The following CNTN5 variants were observed in gnomAD, a reference collection of about 807,000 sequenced individuals.
CNTN5 encodes contactin 5.
CNTN5 carries 77 observed loss-of-function variants against 129.1 expected under a neutral mutation model. That is an observed-to-expected ratio of 0.60 (90% confidence interval 0.50 to 0.72). The LOEUF (loss-of-function observed/expected upper bound fraction) is 0.72, where lower values mean the gene tolerates loss of function less well. Among genes scored for constraint, CNTN5 ranks in the 30% least tolerant of loss-of-function variants. The pLI is 0.00. For missense variants in CNTN5, 1,478 were observed against 1,328.8 expected, an observed-to-expected ratio of 1.11 and a Z score of -1.75; for synonymous variants, 509 against 465.6, an observed-to-expected ratio of 1.09 and a Z score of -1.20.
intron 3 of CNTN5, among the ~76,000 whole-genome samples, chr11:99,792,413 G>GA (rs1339371526): frequency 6.6e-6 from 1 of 151,996 alleles, no homozygotes; most frequent in Non-Finnish European, 1.5e-5. Context: ...TGCATATGTT[G>GA]AACCCACCTT....
rs960201238 is a variant in CNTN5, at chr11:100,337,115, C to G, written c.2731-3348C>G. 13 of 1,410,400 alleles carry G rather than the reference C, an allele frequency of 9.2e-6. No homozygotes were observed. The East Asian group carries it at 3.0e-4, about 32-fold the overall frequency. 87.4% of individuals were successfully genotyped at this position (1,410,400 alleles called of 1,614,324 possible). ...ATCAGACATGCAGAGAAGACTTCAA[C>G]CAACATTGTTTACAAAATAGATGAC... is the stretch of plus-strand genomic sequence containing the variant. On this transcript the variant is annotated intron_variant, in intron 21 of 24. Coordinates refer to ENST00000524871, the MANE Select transcript of CNTN5 (RefSeq NM_014361.4).
rs766186260 is a variant in CNTN5 at position 100,070,456 on chromosome 11, A to G, written c.1195A>G (p.Thr399Ala). 33 of 1,612,254 alleles carry G rather than the reference A, an allele frequency of 2.0e-5. No homozygotes were observed. Among genetic ancestry groups the G allele is most frequent in the Non-Finnish European group, 2.5e-5 (30 of 1,179,060 alleles). Reference protein sequence around the residue: ...YPHWVEKLNDTQLDSGSPLRW... With the variant: ...YPHWVEKLNDAQLDSGSPLRW... ...ACACTGGGTAGAAAAACTGAATGATACTCAGTTAGACAGTGGGAGCCCTCT... is the reference window on the plus strand; with the variant it reads ...ACACTGGGTAGAAAAACTGAATGATGCTCAGTTAGACAGTGGGAGCCCTCT... The change falls in exon 11 of 25, where the codon ACT (threonine) becomes GCT (alanine). Residue 399 changes from threonine (T) to alanine (A), a missense_variant. Thr to Ala is a moderately conservative substitution (Grantham distance 58, BLOSUM62 0). Transcript: ENST00000524871.
chr11:100,023,379 G>A (rs190254954), intron 9 of CNTN5, among the ~76,000 whole-genome samples: 10 of 152,074 alleles, frequency 6.6e-5, no homozygotes, highest in African/African-American at 9.6e-5. Flanking sequence ...TAGGCTGACC[G>A]CAAAAGTGAG....
chr11:99,214,564 A>G (rs976136246), intron 1 of CNTN5, among the ~76,000 whole-genome samples: 3 of 151,738 alleles, frequency 2.0e-5, no homozygotes, highest in Non-Finnish European at 4.4e-5. Flanking sequence ...CCCAGCTTCA[A>G]TTTCATTGTT....
intron 6 of CNTN5, among the ~76,000 whole-genome samples, chr11:99,896,781 C>T (rs982087985): frequency 6.6e-6 from 1 of 152,190 alleles, no homozygotes; most frequent in Non-Finnish European, 1.5e-5. Context: ...ACACAACATG[C>T]CCCATAGCTG....
At chr11:99,225,783 T>C (rs1461381817) in intron 1 of CNTN5, among the ~76,000 whole-genome samples, 1 of 152,204 alleles carries the variant, frequency 6.6e-6, no homozygotes, top group Non-Finnish European at 1.5e-5. Flanking sequence ...AGCATTGATA[T>C]AGACATTTTG....
intron 15 of CNTN5, among the ~76,000 whole-genome samples, chr11:100,223,713 T>A (rs1210475920): frequency 6.6e-6 from 1 of 152,120 alleles, no homozygotes; most frequent in Admixed American, 6.6e-5. Context: ...TCAAGCAGCA[T>A]GCATCTTATC....
chr11:99,228,583 G>T (rs1213753091), intron 1 of CNTN5, among the ~76,000 whole-genome samples: 4 of 151,990 alleles, frequency 2.6e-5, no homozygotes, highest in Non-Finnish European at 5.9e-5. Context: ...GTAACAAAAT[G>T]TTACATGTAC....
At chr11:99,734,706 A>AT (rs57330066) in intron 3 of CNTN5, among the ~76,000 whole-genome samples, 22,594 of 146,902 alleles carry the variant, frequency 0.15, 2,021 homozygotes, top group African/African-American at 0.26. Context: ...TATTACACTG[A>AT]TTTTTTTTTT....
chr11:99,922,133 A>T (rs1175522380), intron 7 of CNTN5, among the ~76,000 whole-genome samples: 2 of 152,194 alleles, frequency 1.3e-5, no homozygotes. Flanking sequence ...GGGCCTCACA[A>T]TTATGGCAGA....
At chr11:99,762,098 T>G in intron 3 of CNTN5, among the ~76,000 whole-genome samples, 1 of 90,950 alleles carries the variant, frequency 1.1e-5, no homozygotes, top group African/African-American at 3.7e-5. Context: ...CTTCACCCAC[T>G]TTTTGATGGG....
intron 3 of CNTN5, among the ~76,000 whole-genome samples, chr11:99,696,375 A>T (rs1336540797): frequency 3.3e-5 from 5 of 152,014 alleles, no homozygotes; most frequent in African/African-American, 1.2e-4. Flanking sequence ...TTTTTGTTTG[A>T]CAGAGTATGA....
chr11:100,062,126 T>C (rs1382733393), intron 10 of CNTN5, among the ~76,000 whole-genome samples: 1 of 152,176 alleles, frequency 6.6e-6, no homozygotes, highest in African/African-American at 2.4e-5. Context: ...TTACAGTATA[T>C]ATATAATGGG....
At chr11:100,009,246 C>T (rs1458237226) in intron 9 of CNTN5, among the ~76,000 whole-genome samples, 1 of 152,018 alleles carries the variant, frequency 6.6e-6, no homozygotes, top group Non-Finnish European at 1.5e-5. Context: ...GAGCAGAACT[C>T]AACAAGAGTG....
intron 1 of CNTN5, among the ~76,000 whole-genome samples, chr11:99,170,399 G>C (rs1231446632): frequency 6.6e-6 from 1 of 152,052 alleles, no homozygotes; most frequent in Non-Finnish European, 1.5e-5. Context: ...GTCTAATCTT[G>C]GCTTTGTAAT....
intron 1 of CNTN5, among the ~76,000 whole-genome samples, chr11:99,252,183 C>A (rs547084992): frequency 1.3e-5 from 2 of 151,914 alleles, no homozygotes; most frequent in African/African-American, 4.8e-5. Flanking sequence ...TGTTTAGGGG[C>A]CATTCATGAA....
chr11:99,988,893 C>T (rs1165605286), intron 8 of CNTN5, among the ~76,000 whole-genome samples: 1 of 151,640 alleles, frequency 6.6e-6, no homozygotes, highest in Non-Finnish European at 1.5e-5. Context: ...ACAACTTCCT[C>T]ATAACTTAGG....
At chr11:99,550,545 T>G (rs1054873153) in intron 2 of CNTN5, among the ~76,000 whole-genome samples, 2 of 152,110 alleles carry the variant, frequency 1.3e-5, no homozygotes, top group African/African-American at 4.8e-5. Context: ...GAGTCATGGT[T>G]GAGATGGAGA....
intron 3 of CNTN5, among the ~76,000 whole-genome samples, chr11:99,702,465 A>G (rs1954564115): frequency 6.6e-6 from 1 of 151,028 alleles, no homozygotes; most frequent in South Asian, 2.1e-4. Context: ...TCATATATTT[A>G]ATAATGGCAG....
Sources: gnomAD v4.1 joint callset for allele counts (sites outside exome capture counted in the v4.1 genomes callset) on GRCh38, gnomAD v4.1.1 for gene constraint, MANE v1.5 for transcripts, NCBI Gene and HGNC (gene_info 2026-07-23, HGNC 2026-07-21) for gene names.